The following PDSS2 variants were observed in gnomAD, a reference collection of about 807,000 sequenced individuals.
PDSS2 encodes decaprenyl diphosphate synthase subunit 2.
In PDSS2, 31 loss-of-function variants were observed where a neutral mutation model predicts 44.5. The ratio of observed to expected loss-of-function variants is 0.70; its 90% CI spans 0.52 to 0.94. The LOEUF (loss-of-function observed/expected upper bound fraction) is 0.94, where lower values mean the gene tolerates loss of function less well. PDSS2 is among the 40% of genes least tolerant of loss of function. PDSS2 has a pLI of 0.00. For synonymous variants in PDSS2, 157 were observed against 180.3 expected (o/e 0.87, Z 1.03); for missense variants, 452 against 482.2 (o/e 0.94, Z 0.59).
intron 2 of PDSS2, among the ~76,000 whole-genome samples, chr6:107,328,376 G>A (rs1170586954): frequency 1.3e-5 from 2 of 152,090 alleles, no homozygotes; most frequent in African/African-American, 2.4e-5. Context: ...TACTTAATGT[G>A]GGACCTCGGA....
intron 1 of PDSS2, among the ~76,000 whole-genome samples, chr6:107,334,707 A>AT (rs1250522478): frequency 1.4e-5 from 2 of 139,056 alleles, no homozygotes; most frequent in Non-Finnish European, 3.1e-5. Flanking sequence ...TGCTCAGCTA[A>AT]TTAAAAAAAA....
At chr6:107,346,075 A>C (rs1226479091) in intron 1 of PDSS2, among the ~76,000 whole-genome samples, 1 of 152,262 alleles carries the variant, frequency 6.6e-6, no homozygotes, top group Non-Finnish European at 1.5e-5. Context: ...CGCATCTCTC[A>C]AATTATTTAT....
intron 1 of PDSS2, among the ~76,000 whole-genome samples, chr6:107,365,730 T>C (rs1778941241): frequency 6.6e-6 from 1 of 152,184 alleles, no homozygotes; most frequent in African/African-American, 2.4e-5. Flanking sequence ...ATGGCTATAT[T>C]AATGTCAGAC....
intron 1 of PDSS2, among the ~76,000 whole-genome samples, chr6:107,370,518 C>A (rs1476378826): frequency 6.6e-6 from 1 of 152,136 alleles, no homozygotes; most frequent in African/African-American, 2.4e-5. Context: ...AAAGAATCTG[C>A]AAAAATAGTG....
At chr6:107,275,950 CA>C (rs964568581) in intron 2 of PDSS2, among the ~76,000 whole-genome samples, 5 of 151,456 alleles carry the variant, frequency 3.3e-5, no homozygotes, top group Admixed American at 1.3e-4. Flanking sequence ...CCTATCTCTA[CA>C]AAAAATTAAA....
Position 107,291,446 on chromosome 6 carries a change from C to T in PDSS2, c.432-17219G>A, listed in dbSNP as rs181873128. On this transcript the variant is annotated intron_variant, in intron 2 of 7. Transcript: ENST00000369037. ...CAATATGACCTCAAACTCCTGGGCT[C>T]AAGGAAGCCTTCCACTTCAACCTCC... 2.6e-3 allele frequency among the ~76,000 whole-genome samples: 395 copies of T among 150,250 alleles called. 2 individuals carry two copies. Among genetic ancestry groups the T allele is most frequent in the African/African-American group, 8.9e-3 (366 of 40,986 alleles).
intron 2 of PDSS2, among the ~76,000 whole-genome samples, chr6:107,322,486 T>C (rs1248119543): frequency 6.6e-6 from 1 of 151,974 alleles, no homozygotes; most frequent in African/African-American, 2.4e-5. Context: ...GCCACTGTAC[T>C]CCAGCCTGGG....
At chr6:107,340,373 T>C (rs563832339) in intron 1 of PDSS2, among the ~76,000 whole-genome samples, 1 of 152,316 alleles carries the variant, frequency 6.6e-6, no homozygotes, top group South Asian at 2.1e-4. Context: ...CTCTGTCTTC[T>C]CCATTGTACT....
At chr6:107,170,610 C>A (rs1771534093) in intron 7 of PDSS2, among the ~76,000 whole-genome samples, 1 of 40,174 alleles carries the variant, frequency 2.5e-5, no homozygotes, top group Non-Finnish European at 6.3e-5. Flanking sequence ...GGAACCACCC[C>A]CCCCCCCCCA....
chr6:107,269,311 C>A (rs1315367604), intron 3 of PDSS2, among the ~76,000 whole-genome samples: 1 of 149,262 alleles, frequency 6.7e-6, no homozygotes, highest in African/African-American at 2.5e-5. Flanking sequence ...GGTGCAAAAT[C>A]TAGGCCTTCT....
At chr6:107,268,047 G>T (rs1369418903) in intron 3 of PDSS2, among the ~76,000 whole-genome samples, 3 of 152,144 alleles carry the variant, frequency 2.0e-5, no homozygotes, top group African/African-American at 4.8e-5. Context: ...AGCCAAAAAT[G>T]CAAACACATG....
chr6:107,348,821 G>A (rs1261364459), intron 1 of PDSS2, among the ~76,000 whole-genome samples: 1 of 152,096 alleles, frequency 6.6e-6, no homozygotes, highest in Admixed American at 6.5e-5. Flanking sequence ...ACATAATAGC[G>A]AATATCTATT....
chr6:107,397,118 G>C (rs1376875347), intron 1 of PDSS2, among the ~76,000 whole-genome samples: 2 of 151,780 alleles, frequency 1.3e-5, no homozygotes, highest in African/African-American at 4.8e-5. Flanking sequence ...TGTCTGTGTA[G>C]GCATCTTCCT....
At position 107,245,578 on chromosome 6, in the gene PDSS2, T is replaced by C. The variant is rs141315080; in HGVS notation, c.672A>G (p.Gln224=). 9 of 1,594,256 alleles carry C rather than the reference T, an allele frequency of 5.6e-6. No individual in the cohort carries two copies. In the African/African-American group the frequency reaches 1.2e-4, roughly 21 times the overall value. The change falls in exon 4 of 8, where the codon CAA becomes CAG. Residue 224 remains glutamine (Q), a synonymous_variant. Transcript: ENST00000369037. ...AAGTAGAATTTTCATGATATACTCC[T>C]TGTACCAAGTCCATAAGAGCACTTG... ...LLASALMDLV[Q]GVYHENSTSK...
At chr6:107,383,995 C>A (rs1247869851) in intron 1 of PDSS2, among the ~76,000 whole-genome samples, 1 of 152,042 alleles carries the variant, frequency 6.6e-6, no homozygotes, top group Non-Finnish European at 1.5e-5. Flanking sequence ...TCATAACAGC[C>A]CAAAAGTAGA....
chr6:107,182,305 A>G (rs1400944199), intron 7 of PDSS2, among the ~76,000 whole-genome samples: 1 of 152,092 alleles, frequency 6.6e-6, no homozygotes, highest in African/African-American at 2.4e-5. Context: ...ATGTGTGTAT[A>G]ATTTATTTAT....
intron 2 of PDSS2, among the ~76,000 whole-genome samples, chr6:107,277,822 G>A (rs373907750): frequency 1.3e-5 from 2 of 152,084 alleles, no homozygotes; most frequent in African/African-American, 4.8e-5. Context: ...GCGTGTTGGC[G>A]GGTGCCTGAC....
intron 1 of PDSS2, among the ~76,000 whole-genome samples, chr6:107,344,884 G>A (rs1047868403): frequency 1.3e-5 from 2 of 151,962 alleles, no homozygotes; most frequent in African/African-American, 4.8e-5. Context: ...CCACTGAAAT[G>A]GTAACTAAAG....
chr6:107,285,315 A>G (rs1442752551), intron 2 of PDSS2, among the ~76,000 whole-genome samples: 1 of 152,174 alleles, frequency 6.6e-6, no homozygotes, highest in African/African-American at 2.4e-5. Flanking sequence ...GCCGTTCTAG[A>G]TTTTAAATCT....
Sources: allele counts gnomAD v4.1 joint callset (sites outside exome capture counted in the v4.1 genomes callset), GRCh38; gene constraint gnomAD v4.1.1; transcripts MANE v1.5; gene names NCBI Gene and HGNC (gene_info 2026-07-23, HGNC 2026-07-21).